The following PTDSS2 variants were observed in gnomAD, a reference collection of about 807,000 sequenced individuals.
The protein encoded by PTDSS2 is phosphatidylserine synthase 2, also known as PSS-2.
In PTDSS2, 41 loss-of-function variants were observed where a neutral mutation model predicts 64.7. That is an observed-to-expected ratio of 0.63 (90% CI 0.49 to 0.82). The LOEUF (loss-of-function observed/expected upper bound fraction) is 0.82. Among genes scored for constraint, PTDSS2 ranks in the 40% least tolerant of loss-of-function variants. The pLI is 0.00. For missense variants in PTDSS2, 485 were observed against 650.0 expected (o/e 0.75, Z 2.76); for synonymous variants, 297 against 277.8 (o/e 1.07, Z -0.69).
intron 1 of PTDSS2, among the ~76,000 whole-genome samples, chr11:450,855 G>A (rs957533275): frequency 3.3e-5 from 5 of 152,092 alleles, no homozygotes; most frequent in Admixed American, 2.6e-4. Flanking sequence ...CGCTGTAGGT[G>A]GGGGAGACCC....
chr11:478,124 T>G (rs1456223398), intron 3 of PTDSS2, among the ~76,000 whole-genome samples: 1 of 152,176 alleles, frequency 6.6e-6, no homozygotes. Context: ...AGTCTGTTAA[T>G]GTAACTCATC....
In PTDSS2 at chr11:490,827, C is replaced by T. The variant is rs924487908; in HGVS notation, c.*245C>T. 27 of 391,536 alleles carry T rather than the reference C, an allele frequency of 6.9e-5. No homozygotes were observed. Among genetic ancestry groups the T allele is most frequent in the South Asian group, 1.6e-4 (5 of 32,106 alleles). 24.3% of individuals were successfully genotyped at this position (391,536 alleles called of 1,614,324 possible). On this transcript the variant is annotated 3_prime_UTR_variant, in exon 12 of 12. Transcript: ENST00000308020. ...GTGTGTACGCGCGTGTGTACACATG[C>T]GTGGCCGCCTGTGGTGTGCACGTGT...
At position 480,506 on chromosome 11, in the gene PTDSS2, C is replaced by T. The variant is rs535763504; in HGVS notation, c.435+1354C>T. 304 of 160,498 alleles carry T rather than the reference C, an allele frequency of 1.9e-3. 2 individuals carry two copies. Among genetic ancestry groups the T allele is most frequent in the African/African-American group, 6.9e-3 (286 of 41,522 alleles). 9.9% of individuals were successfully genotyped at this position (160,498 alleles called of 1,614,324 possible). On this transcript the variant is annotated intron_variant, in intron 4 of 11. Coordinates refer to ENST00000308020, the MANE Select transcript of PTDSS2 (RefSeq NM_030783.3). ...GTGGGCAGCCTCTTCCCGCCCTGCA[C>T]AGTGCCTCTGAGGTTCATCCAGGTT...
intron 4 of PTDSS2, among the ~76,000 whole-genome samples, chr11:481,846 CT>C (rs577828521): frequency 0.031 from 4,404 of 140,332 alleles, 55 homozygotes; most frequent in Middle Eastern, 0.057. Flanking sequence ...TATTTCTTTT[CT>C]TTTTTTTTTT....
chr11:478,172 AAAAC>A (rs1330912530), intron 3 of PTDSS2, among the ~76,000 whole-genome samples: 1 of 152,236 alleles, frequency 6.6e-6, no homozygotes, highest in African/African-American at 2.4e-5. Context: ...TAAATGCAGA[AAAAC>A]AAAAATTCAC....
At chr11:471,886 G>A (rs1847464704) in intron 2 of PTDSS2, among the ~76,000 whole-genome samples, 1 of 140,184 alleles carries the variant, frequency 7.1e-6, no homozygotes, top group African/African-American at 2.7e-5. Context: ...CACCTGTCTG[G>A]TGGATGGCGG....
chr11:452,102 C>G (rs539378451), intron 1 of PTDSS2, among the ~76,000 whole-genome samples: 1 of 152,248 alleles, frequency 6.6e-6, no homozygotes, highest in East Asian at 1.9e-4. Flanking sequence ...CTTCTGAGGT[C>G]CCGGAGCAAG....
chr11:487,210 G>C (rs1848434404), intron 5 of PTDSS2, 137 bp downstream of exon 5: 1 of 1,025,946 alleles, frequency 9.7e-7, no homozygotes, highest in South Asian at 1.5e-5. Flanking sequence ...CTGAGGCCCT[G>C]TCCGTCTGGA....
Position 479,197 on chromosome 11 carries a change from G to T in PTDSS2, c.435+45G>T. On this transcript the variant is annotated intron_variant, in intron 4 of 11. Coordinates refer to ENST00000308020, the MANE Select transcript of PTDSS2 (RefSeq NM_030783.3). The surrounding 1 kb of genome is among the most constrained non-coding windows in gnomAD (Gnocchi z 4.2). ...TGGATACCTGGGAACTTAGGTGACA[G>T]TGTGGCCCCAGGCATGGTGACAAAG... 1 of 1,494,206 alleles carries T rather than the reference G, an allele frequency of 6.7e-7. No homozygotes were observed. Among genetic ancestry groups the T allele is most frequent in the Non-Finnish European group, 9.3e-7 (1 of 1,070,508 alleles). The allele number at this position is 1,494,206 out of a possible 1,614,324, so 92.6% of individuals were successfully genotyped here.
chr11:479,238 CA>C lies in PTDSS2; in HGVS notation c.435+87del. ...GGTGACAAAGGAGGCCTTGCCCACA[CA>C]GCCCTCGAGTGATGGGAGGAAGCAG... On this transcript the variant is annotated intron_variant, in intron 4 of 11. Coordinates refer to ENST00000308020, the MANE Select transcript of PTDSS2 (RefSeq NM_030783.3). The surrounding 1 kb of genome is among the most constrained non-coding windows in gnomAD (Gnocchi z 4.2). The C allele has an allele frequency of 8.9e-7, 1 of 1,123,904 alleles. No individual in the cohort carries two copies. Among genetic ancestry groups the C allele is most frequent in the Non-Finnish European group, 1.4e-6 (1 of 733,228 alleles). The allele number at this position is 1,123,904 out of a possible 1,614,324, so 69.6% of individuals were successfully genotyped here. A position where few individuals can be genotyped will look rare whatever the true frequency, so the allele number is the denominator to read the frequency against.
At chr11:477,730 C>T (rs141338851) in intron 3 of PTDSS2, among the ~76,000 whole-genome samples, 41 of 152,342 alleles carry the variant, frequency 2.7e-4, no homozygotes, top group African/African-American at 9.4e-4. Context: ...GCAGGCCGGG[C>T]ACCTGCTCCG....
chr11:467,439 A>G (rs1039856877), intron 2 of PTDSS2, among the ~76,000 whole-genome samples: 1 of 152,222 alleles, frequency 6.6e-6, no homozygotes, highest in Non-Finnish European at 1.5e-5. Flanking sequence ...AGACAGTTTC[A>G]CAGACTCTCA....
Position 470,181 on chromosome 11 carries a change from CTG to C in PTDSS2, c.285-3713_285-3712del, listed in dbSNP as rs1847356264. Reference sequence around the variant, plus strand: ...CGGAGAGGGCAGTGGGAGGAGGACGCTGCAGCCGAGGTGCCCGCAGACACCCC... The same window carrying C: ...CGGAGAGGGCAGTGGGAGGAGGACGCCAGCCGAGGTGCCCGCAGACACCCC... On this transcript the variant is annotated intron_variant, in intron 2 of 11. Coordinates refer to ENST00000308020, the MANE Select transcript of PTDSS2 (RefSeq NM_030783.3). This position sits in a 1 kb window ranked among gnomAD's most constrained non-coding sequence, Gnocchi z 5.3. Among the ~76,000 whole-genome samples, 1 of 152,196 alleles carries C rather than the reference CTG, an allele frequency of 6.6e-6. No individual in the cohort carries two copies.
intron 11 of PTDSS2, 83 bp downstream of exon 11, chr11:490,151 CGTT>C (rs1848606212): frequency 7.1e-7 from 1 of 1,417,198 alleles, no homozygotes; most frequent in Non-Finnish European, 9.6e-7. Context: ...AGTTTGGTGT[CGTT>C]GGTGTCTCAC....
At chr11:450,166 G>A (rs537722787), upstream of PTDSS2, 3 of 312,494 alleles carry the variant, frequency 9.6e-6, no homozygotes, top group African/African-American at 2.2e-5. Context: ...GCCGCAGGGC[G>A]GTCCGGCTCC....
chr11:453,657 G>A (rs1157427470), intron 1 of PTDSS2, among the ~76,000 whole-genome samples: 1 of 152,208 alleles, frequency 6.6e-6, no homozygotes, highest in Admixed American at 6.5e-5. Context: ...AGTCTTTCTG[G>A]TCTTGCTGGT....
In PTDSS2 at chr11:468,222, T is replaced by C. The variant is rs753625312; in HGVS notation, c.285-5673T>C. On this transcript the variant is annotated intron_variant, in intron 2 of 11. Transcript: ENST00000308020. The stretch of plus-strand genomic sequence containing the variant: ...CACATTCCTAAGTGAGAGGAGCCAG[T>C]TGAGAAGGCCGCGCACTGTGATTTC... Among the ~76,000 whole-genome samples, 3 of 152,350 alleles carry C rather than the reference T, an allele frequency of 2.0e-5. No homozygotes were observed. The South Asian group carries it at 6.2e-4, about 32-fold the overall frequency.
Position 490,107 on chromosome 11 carries a change from C to T in PTDSS2, c.1301+39C>T, listed in dbSNP as rs778063040. The T allele has an allele frequency of 2.9e-5, 45 of 1,563,038 alleles. No individual in the cohort carries two copies. In the Admixed American group the frequency reaches 3.7e-4, roughly 13 times the overall value. ...GGGCGCGTATGTTCTGAAGGAGGGC[C>T]GCTGTCCGGGTCCCTTGGCACAGGC... On this transcript the variant is annotated intron_variant, in intron 11 of 11. Coordinates refer to ENST00000308020, the MANE Select transcript of PTDSS2 (RefSeq NM_030783.3).
intron 2 of PTDSS2, among the ~76,000 whole-genome samples, chr11:467,684 G>A (rs374776897): frequency 3.9e-5 from 6 of 152,142 alleles, no homozygotes; most frequent in African/African-American, 9.7e-5. Flanking sequence ...AGTGAGCCGA[G>A]ATCGCAACAT....
Sources: gnomAD v4.1 joint callset for allele counts (sites outside exome capture counted in the v4.1 genomes callset) on GRCh38, gnomAD v4.1.1 for gene constraint, Gnocchi (gnomAD v3.1) non-coding constraint, MANE v1.5 for transcripts, NCBI Gene and HGNC (gene_info 2026-07-23, HGNC 2026-07-21) for gene names.